The following FAM153A variants were observed in gnomAD, a reference collection of about 807,000 sequenced individuals.
The protein encoded by FAM153A is protein FAM153A.
In FAM153A, 12 loss-of-function variants were observed where a neutral mutation model predicts 48.1. That is an observed-to-expected ratio of 0.25 (90% CI 0.16 to 0.40). The LOEUF (loss-of-function observed/expected upper bound fraction) is 0.40, where lower values mean the gene tolerates loss of function less well. FAM153A is among the 10% of genes least tolerant of loss of function. FAM153A has a pLI of 1.00. For synonymous variants in FAM153A, 36 were observed against 118.2 expected (o/e 0.30, Z 4.51); for missense variants, 111 against 345.8 (o/e 0.32, Z 5.38).
At chr5:177,711,113 A>G (rs1232467987) in exon 27 of FAM153A, 6 of 151,668 alleles carry the variant, frequency 4.0e-5, no homozygotes, top group Non-Finnish European at 7.4e-5. Context: ...TATGACACAT[A>G]TGTGTGTATA....
intron 1 of FAM153A, among the ~76,000 whole-genome samples, chr5:177,761,061 C>A (rs1281139350): frequency 6.6e-6 from 1 of 151,474 alleles, no homozygotes; most frequent in Non-Finnish European, 1.5e-5. Context: ...GAATCCACAG[C>A]AGGAGGTTGG....
the FAM153A span, among the ~76,000 whole-genome samples, chr5:177,697,155 AAAG>A: frequency 6.6e-6 from 1 of 151,050 alleles, no homozygotes; most frequent in Non-Finnish European, 1.5e-5. Context: ...TTATTGTATC[AAAG>A]AAGTGCATTT....
At chr5:177,698,677 G>T in the FAM153A span, among the ~76,000 whole-genome samples, 33 of 151,294 alleles carry the variant, frequency 2.2e-4, 1 homozygote, top group African/African-American at 8.1e-4. Flanking sequence ...TTATTTTTTT[G>T]AGACAGGGTC....
At position 177,716,959 on chromosome 5, in the gene FAM153A, C is replaced by T. The variant is rs150240283; in HGVS notation, c.*1151+204G>A. Among the ~76,000 whole-genome samples, 47 of 73,972 alleles carry T rather than the reference C, an allele frequency of 6.4e-4. No homozygotes were observed. The East Asian group carries it at 0.02, about 31-fold the overall frequency. The allele number at this position is 73,972 out of a possible 152,430, so 48.5% of individuals were successfully genotyped here. A position where few individuals can be genotyped will look rare whatever the true frequency, so the allele number is the denominator to read the frequency against. ...GGCCACAGTAGCATGCCACCATTCC[C>T]GCTTAGTGTGTGTGTGTGTGTGTGT... On this transcript the variant is annotated intron_variant and NMD_transcript_variant, in intron 24 of 26. Coordinates refer to the FAM153A transcript ENST00000360669.
chr5:177,752,618 C>CAAAA (rs71274705), intron 1 of FAM153A, among the ~76,000 whole-genome samples: 350 of 30,976 alleles, frequency 0.011, no homozygotes, highest in Non-Finnish European at 0.012. Context: ...GAGACTCTGC[C>CAAAA]AAAAAAAAAA....
At chr5:177,708,265 C>A (rs937025327), downstream of FAM153A, among the ~76,000 whole-genome samples, 2 of 128,052 alleles carry the variant, frequency 1.6e-5, no homozygotes, top group Non-Finnish European at 1.7e-5. Flanking sequence ...CAGAATATGA[C>A]CAGGCAGCAG....
downstream of FAM153A, among the ~76,000 whole-genome samples, chr5:177,705,928 G>T (rs548864025): frequency 6.6e-6 from 1 of 151,648 alleles, no homozygotes; most frequent in South Asian, 2.1e-4. Flanking sequence ...AAAGTGCTGG[G>T]ATTATAGGCG....
chr5:177,709,732 A>C (rs1758239474), downstream of FAM153A, among the ~76,000 whole-genome samples: 1 of 111,046 alleles, frequency 9.0e-6, no homozygotes, highest in Admixed American at 9.9e-5. Flanking sequence ...GTGCGGTGGC[A>C]CAATCTCAGC....
At chr5:177,746,446 A>G (rs1380221860) in intron 4 of FAM153A, among the ~76,000 whole-genome samples, 16 of 149,154 alleles carry the variant, frequency 1.1e-4, no homozygotes, top group African/African-American at 4.0e-4. Context: ...GGCATGAGCC[A>G]CCGTCTCCAG....
exon 27 of FAM153A, chr5:177,711,515 G>A (rs989594128): frequency 6.6e-6 from 1 of 151,908 alleles, no homozygotes; most frequent in African/African-American, 2.4e-5. Flanking sequence ...TTATAAAATT[G>A]TTAGACGATT....
chr5:177,722,052 A>G (rs1761143399), downstream of FAM153A: 1 of 151,410 alleles, frequency 6.6e-6, no homozygotes, highest in East Asian at 1.9e-4. Flanking sequence ...ACTTCAAGAA[A>G]AAAATGTAAA....
downstream of FAM153A, among the ~76,000 whole-genome samples, chr5:177,707,110 A>C (rs200650280): frequency 2.1e-3 from 324 of 151,986 alleles, 9 homozygotes; most frequent in East Asian, 0.057. Flanking sequence ...TCCAACACCC[A>C]CTTTCAGCAA....
chr5:177,703,020 C>T (rs1200123430), downstream of FAM153A, among the ~76,000 whole-genome samples: 2 of 152,164 alleles, frequency 1.3e-5, no homozygotes, highest in African/African-American at 2.4e-5. Context: ...ACGCAGAGTC[C>T]CCATTGGAAC....
chr5:177,772,114 T>C (rs1300309997), intron 1 of FAM153A, among the ~76,000 whole-genome samples: 1 of 99,014 alleles, frequency 1.0e-5, no homozygotes, highest in Non-Finnish European at 2.1e-5. Flanking sequence ...TAAGTTGACA[T>C]GACCTATAAT....
chr5:177,728,497 GC>G (rs1417688375), intron 18 of FAM153A, among the ~76,000 whole-genome samples: 1 of 146,718 alleles, frequency 6.8e-6, no homozygotes, highest in Non-Finnish European at 1.5e-5. Context: ...TGACACTGCT[GC>G]TTCCAGGGAT....
intron 25 of FAM153A, chr5:177,714,015 A>G (rs186702082): frequency 6.6e-6 from 1 of 152,068 alleles, no homozygotes; most frequent in Admixed American, 6.5e-5. Flanking sequence ...AGACCGATGT[A>G]TTCTATCAAC....
chr5:177,760,714 G>A (rs1315404854), intron 1 of FAM153A, among the ~76,000 whole-genome samples: 1 of 56,918 alleles, frequency 1.8e-5, no homozygotes, highest in Admixed American at 2.2e-4. Context: ...CTATATGATT[G>A]TTCAATTAAT....
intron 1 of FAM153A, among the ~76,000 whole-genome samples, chr5:177,751,648 C>T (rs1009202255): frequency 6.8e-5 from 10 of 146,262 alleles, no homozygotes; most frequent in South Asian, 2.2e-4. Flanking sequence ...ATGCCCACAT[C>T]GGCCCAGAGA....
At chr5:177,697,848 C>T in the FAM153A span, among the ~76,000 whole-genome samples, 3 of 151,516 alleles carry the variant, frequency 2.0e-5, no homozygotes, top group African/African-American at 7.3e-5. Context: ...TGACAGATTT[C>T]CTTAGTGTTC....
Sources: gnomAD v4.1 joint callset for allele counts (sites outside exome capture counted in the v4.1 genomes callset) on GRCh38, gnomAD v4.1.1 for gene constraint, MANE v1.5 for transcripts, NCBI Gene and HGNC (gene_info 2026-07-23, HGNC 2026-07-21) for gene names.